GCN1: variants seen among roughly 807,000 people sequenced by gnomAD.
The protein encoded by GCN1 is stalled ribosome sensor GCN1.
A neutral mutation model predicts 288.4 loss-of-function variants in GCN1; 90 were observed. The ratio of observed to expected loss-of-function variants is 0.31; its 90% CI spans 0.26 to 0.37. The LOEUF (loss-of-function observed/expected upper bound fraction) is 0.37. GCN1 is among the 10% of genes least tolerant of loss of function. The pLI, the probability that GCN1 is intolerant of heterozygous loss-of-function variation, is 1.00. For synonymous variants in GCN1, 1,386 were observed against 1,420.2 expected (o/e 0.98, Z 0.54); for missense variants, 2,586 against 3,419.9 (o/e 0.76, Z 6.08).
chr12:120,187,275 C>G (rs990558928), intron 2 of GCN1, among the ~76,000 whole-genome samples: 7 of 150,844 alleles, frequency 4.6e-5, no homozygotes, highest in African/African-American at 1.7e-4. Context: ...TGCAATGGCG[C>G]AATCTCAGCT....
intron 2 of GCN1, among the ~76,000 whole-genome samples, chr12:120,186,609 C>T (rs984842905): frequency 6.6e-6 from 1 of 152,102 alleles, no homozygotes; most frequent in Non-Finnish European, 1.5e-5. Context: ...GGTACAGGGA[C>T]GCAGTTTCCC....
At chr12:120,190,618 TC>T (rs1325168253) in intron 1 of GCN1, among the ~76,000 whole-genome samples, 1 of 151,992 alleles carries the variant, frequency 6.6e-6, no homozygotes, top group Non-Finnish European at 1.5e-5. Context: ...CAGCCCACCT[TC>T]CCCACCCGCC....
Position 120,145,477 on chromosome 12 carries a change from A to C in GCN1, c.4948-147T>G. 6.9e-6 allele frequency: 4 copies of C among 581,112 alleles called. No homozygotes were observed. In the South Asian group the frequency reaches 1.1e-4, roughly 17 times the overall value. The allele number at this position is 581,112 out of a possible 1,614,324, so 36.0% of individuals were successfully genotyped here. ...ATGCAAACCTCACTGCCCACGGAAC[A>C]GGGAGGGCAAGTAAGTCCCCTCTCC... On this transcript the variant is annotated intron_variant, in intron 38 of 57. Coordinates refer to ENST00000300648, the MANE Select transcript of GCN1 (RefSeq NM_006836.2).
rs764827741 is a variant in GCN1, at chr12:120,131,277, C to T, written c.7471G>A (p.Val2491Met). ...VRHGRSLALS[V>M]AVNVAPGRLC... ...CTGCCAGGAGCCACATTCACAGCCA[C>T]GGAAAGTGCCAGGCTCCGCCCGTGC... is the stretch of plus-strand genomic sequence containing the variant. Residue 2491 changes from valine (V) to methionine (M), a missense_variant, in exon 55 of 58, where the codon GTG becomes ATG. Physicochemically the swap from Val to Met is conservative, Grantham distance 21 (BLOSUM62 1). Around this residue, in one of 8 missense-constraint regions of GCN1, gnomAD observed 355 missense variants for 431.1 expected, o/e 0.82. Coordinates refer to ENST00000300648, the MANE Select transcript of GCN1 (RefSeq NM_006836.2). 77 of 1,613,944 alleles carry T rather than the reference C, an allele frequency of 4.8e-5. No homozygotes were observed. The highest frequency in any genetic ancestry group is 1.6e-4 in the Middle Eastern group (1 of 6,082).
At chr12:120,186,924 A>G (rs1223283763) in intron 2 of GCN1, among the ~76,000 whole-genome samples, 3 of 152,234 alleles carry the variant, frequency 2.0e-5, no homozygotes, top group African/African-American at 7.2e-5. Context: ...CTGCTGCACT[A>G]GAGGCCTGTG....
intron 34 of GCN1, 51 bp downstream of exon 34, chr12:120,151,094 C>A: frequency 6.3e-7 from 1 of 1,591,796 alleles, no homozygotes; most frequent in Non-Finnish European, 8.5e-7. Context: ...CCTCTGGCAA[C>A]CTGGGGACCA....
chr12:120,164,654 G>T lies in GCN1; in HGVS notation c.1680C>A (p.Asn560Lys). The T allele has an allele frequency of 6.2e-7, 1 of 1,613,184 alleles. No individual in the cohort carries two copies. Among genetic ancestry groups the T allele is most frequent in the Non-Finnish European group, 8.5e-7 (1 of 1,179,126 alleles). The change falls in exon 17 of 58, where the codon AAC becomes AAA. Residue 560 changes from asparagine to lysine, a missense_variant. Physicochemically the swap from Asn to Lys is moderately conservative, Grantham distance 94. This residue lies in a region of GCN1 where 913 missense variants were observed against 1,107.0 expected (regional missense o/e 0.82). Transcript: ENST00000300648. Reference sequence around the variant, plus strand: ...AAGCCAGCCTCACGTACTGAACTTTGTTGCCAGTGAGTCTATGCGGGTGGT... The same window carrying T: ...AAGCCAGCCTCACGTACTGAACTTTTTTGCCAGTGAGTCTATGCGGGTGGT... ...FLDHPHRLTGNKVQQYHRALV... is the reference protein window; with the variant it reads ...FLDHPHRLTGKKVQQYHRALV...
intron 45 of GCN1, among the ~76,000 whole-genome samples, chr12:120,139,996 T>C (rs759972194): frequency 6.6e-5 from 10 of 152,232 alleles, no homozygotes; most frequent in Non-Finnish European, 1.0e-4. Flanking sequence ...TGTGGGGACT[T>C]TGCAGACAAG....
intron 33 of GCN1, 109 bp from the exon 34 acceptor site, chr12:120,151,500 C>T: frequency 8.7e-7 from 1 of 1,154,262 alleles, no homozygotes; most frequent in Admixed American, 2.2e-5. Context: ...TCCCAAGCCC[C>T]ATCTCAGCCA....
At chr12:120,184,955 T>C (rs1440587033) in intron 2 of GCN1, 68 bp from the exon 3 acceptor site, 1 of 1,036,372 alleles carries the variant, frequency 9.6e-7, no homozygotes, top group East Asian at 2.4e-5. Context: ...AGTCAGGTAT[T>C]CTGCCCAGAC....
At chr12:120,131,605 C>G (rs1460949281) in intron 54 of GCN1, among the ~76,000 whole-genome samples, 3 of 152,222 alleles carry the variant, frequency 2.0e-5, no homozygotes, top group Admixed American at 2.0e-4. Context: ...GGGACCACTG[C>G]AAATTCAGTA....
rs1017770655 is a variant in GCN1 at position 120,173,140 on chromosome 12, A to G, written c.1366+513T>C. Among the ~76,000 whole-genome samples the G allele has an allele frequency of 1.0e-4, 15 of 150,550 alleles. 1 individual carries two copies. The East Asian group carries it at 2.6e-3, about 26-fold the overall frequency. On this transcript the variant is annotated intron_variant, in intron 14 of 57. Transcript: ENST00000300648. ...AATGGCGCAATCTCGGCTCACTGCA[A>G]CCTCCATCTACCGGGTTCAATTCTC...
At chr12:120,170,676 A>G (rs939808821) in intron 14 of GCN1, among the ~76,000 whole-genome samples, 2 of 151,928 alleles carry the variant, frequency 1.3e-5, no homozygotes, top group Non-Finnish European at 2.9e-5. Flanking sequence ...GGCGTGGTCC[A>G]GTTATTCAAT....
chr12:120,169,522 T>C (rs151071387), intron 15 of GCN1, among the ~76,000 whole-genome samples: 1 of 151,998 alleles, frequency 6.6e-6, no homozygotes, highest in Non-Finnish European at 1.5e-5. Flanking sequence ...TTTTCTTTCT[T>C]AGACAAAGTC....
intron 15 of GCN1, among the ~76,000 whole-genome samples, chr12:120,169,694 G>A (rs1878256847): frequency 6.6e-6 from 1 of 152,114 alleles, no homozygotes; most frequent in Non-Finnish European, 1.5e-5. Context: ...AGTAAAGACG[G>A]GGTTTCACCA....
chr12:120,182,276 T>C (rs1878690581), intron 5 of GCN1, among the ~76,000 whole-genome samples: 1 of 151,524 alleles, frequency 6.6e-6, no homozygotes, highest in East Asian at 1.9e-4. Flanking sequence ...TCCAAGAGAG[T>C]CCCAGCTCAC....
At chr12:120,191,080 G>A (rs531604957) in intron 1 of GCN1, among the ~76,000 whole-genome samples, 25 of 152,234 alleles carry the variant, frequency 1.6e-4, no homozygotes, top group Non-Finnish European at 3.2e-4. Flanking sequence ...ATGAGATTGC[G>A]TATAAGGTGC....
At chr12:120,161,809 G>T in intron 21 of GCN1, 71 bp downstream of exon 21, 1 of 1,437,818 alleles carries the variant, frequency 7.0e-7, no homozygotes. Flanking sequence ...GGAGGCACTG[G>T]CTCCATTCTA....
At chr12:120,185,330 G>C (rs1878787141) in intron 2 of GCN1, among the ~76,000 whole-genome samples, 1 of 152,252 alleles carries the variant, frequency 6.6e-6, no homozygotes, top group African/African-American at 2.4e-5. Flanking sequence ...GAAAAGGGAA[G>C]AACACCTATA....
Sources: gnomAD v4.1 joint callset for allele counts (sites outside exome capture counted in the v4.1 genomes callset) on GRCh38, gnomAD v4.1.1 for gene constraint, gnomAD v4.1.1 regional missense constraint, MANE v1.5 for transcripts, NCBI Gene and HGNC (gene_info 2026-07-23, HGNC 2026-07-21) for gene names.